KCNQ1: variants seen among roughly 807,000 people sequenced by gnomAD.
KCNQ1 encodes the protein potassium voltage-gated channel subfamily KQT member 1.
A neutral mutation model predicts 72.4 loss-of-function variants in KCNQ1; 49 were observed. That is an observed-to-expected ratio of 0.68 (90% confidence interval 0.54 to 0.86). KCNQ1 has a LOEUF of 0.86. Ranked by LOEUF, KCNQ1 falls within the 40% of genes least tolerant of loss-of-function variation. KCNQ1 has a pLI of 0.00. For missense variants in KCNQ1, 790 were observed against 945.1 expected (o/e 0.84, Z 2.15); for synonymous variants, 450 against 412.6 (o/e 1.09, Z -1.10).
intron 2 of KCNQ1, among the ~76,000 whole-genome samples, chr11:2,553,265 A>T (rs1210667467): frequency 6.7e-6 from 1 of 148,984 alleles, no homozygotes; most frequent in Non-Finnish European, 1.5e-5. Context: ...TTCAGTCCAT[A>T]TACTATTTAT....
chr11:2,524,546 G>A (rs1163988363), intron 1 of KCNQ1, among the ~76,000 whole-genome samples: 2 of 152,178 alleles, frequency 1.3e-5, no homozygotes, highest in Non-Finnish European at 1.5e-5. Flanking sequence ...CGTGGGTAGC[G>A]GGCAGTGGCC....
At position 2,651,864 on chromosome 11, in the gene KCNQ1, A is replaced by AGT. The variant is rs1849761130; in HGVS notation, c.1394-10096_1394-10095dup. 7.5e-6 allele frequency: 3 copies of AGT among 398,532 alleles called. No individual in the cohort carries two copies. The highest frequency in any genetic ancestry group is 6.2e-5 in the African/African-American group (3 of 48,624). 24.7% of individuals were successfully genotyped at this position (398,532 alleles called of 1,614,324 possible). On this transcript the variant is annotated intron_variant, in intron 10 of 15. Coordinates refer to ENST00000155840, the MANE Select transcript of KCNQ1 (RefSeq NM_000218.3). This position sits in a 1 kb window ranked among gnomAD's most constrained non-coding sequence, Gnocchi z 6.1. ...CAGATGCCACCACATCTTTTCTTGAAGTAGTGTTCAGGCTGAGGGGGTCAT... is the reference window on the plus strand; with the variant it reads ...CAGATGCCACCACATCTTTTCTTGAAGTGTAGTGTTCAGGCTGAGGGGGTCAT...
At chr11:2,560,628 G>A (rs1217714151) in intron 2 of KCNQ1, among the ~76,000 whole-genome samples, 4 of 151,884 alleles carry the variant, frequency 2.6e-5, no homozygotes, top group Admixed American at 6.5e-5. Context: ...AGGTCTTTAC[G>A]GGCCCCTCAG....
At position 2,621,138 on chromosome 11, in the gene KCNQ1, T is replaced by C. The variant is rs890883361; in HGVS notation, c.1393+32284T>C. On this transcript the variant is annotated intron_variant, in intron 10 of 15. Coordinates refer to ENST00000155840, the MANE Select transcript of KCNQ1 (RefSeq NM_000218.3). This position sits in a 1 kb window ranked among gnomAD's most constrained non-coding sequence, Gnocchi z 5.7. Reference sequence around the variant, plus strand: ...GATTACAGGTGACCGCCACCATACCTGGCTAATTTTTGTGTTTTTAGTAGA... The same window carrying C: ...GATTACAGGTGACCGCCACCATACCCGGCTAATTTTTGTGTTTTTAGTAGA... 25 of 396,666 alleles carry C rather than the reference T, an allele frequency of 6.3e-5. No homozygotes were observed. The highest frequency in any genetic ancestry group is 1.0e-4 in the Non-Finnish European group (23 of 225,512). The allele number at this position is 396,666 out of a possible 1,614,324, so 24.6% of individuals were successfully genotyped here.
chr11:2,717,438 C>G (rs57264152), intron 11 of KCNQ1, among the ~76,000 whole-genome samples: 17,699 of 152,252 alleles, frequency 0.12, 1,907 homozygotes, highest in African/African-American at 0.29. Flanking sequence ...AGGGAGACTT[C>G]TGGGTAGCCC....
chr11:2,705,960 G>T (rs1449237291), intron 11 of KCNQ1, among the ~76,000 whole-genome samples: 1 of 152,180 alleles, frequency 6.6e-6, no homozygotes, highest in Non-Finnish European at 1.5e-5. Flanking sequence ...AGAGTCATTG[G>T]CAGTAAAGGT....
In KCNQ1 at chr11:2,734,402, G is replaced by A. The variant is rs1403854879; in HGVS notation, c.1515-34442G>A. Among the ~76,000 whole-genome samples, 2 of 152,250 alleles carry A rather than the reference G, an allele frequency of 1.3e-5. No homozygotes were observed. Among genetic ancestry groups the A allele is most frequent in the Non-Finnish European group, 2.9e-5 (2 of 68,044 alleles). The stretch of plus-strand genomic sequence containing the variant: ...GAATGAGGAAGCTTCACAGCCCCCC[G>A]GCCACCGCAGGTCGGGGGAGCACTG... On this transcript the variant is annotated intron_variant, in intron 11 of 15. Coordinates refer to ENST00000155840, the MANE Select transcript of KCNQ1 (RefSeq NM_000218.3). The surrounding 1 kb of genome is among the most constrained non-coding windows in gnomAD (Gnocchi z 7.0).
At chr11:2,455,129 A>G (rs923404178) in intron 1 of KCNQ1, among the ~76,000 whole-genome samples, 50 of 148,130 alleles carry the variant, frequency 3.4e-4, no homozygotes, top group Non-Finnish European at 1.2e-4. Context: ...ATGGAGTCTC[A>G]CTCTGTCACC....
At chr11:2,485,808 G>A (rs1266810733) in intron 1 of KCNQ1, among the ~76,000 whole-genome samples, 1 of 152,126 alleles carries the variant, frequency 6.6e-6, no homozygotes, top group Non-Finnish European at 1.5e-5. Context: ...TTTTGTGACT[G>A]GCTTATTTCA....
chr11:2,566,896 C>A lies in KCNQ1; in HGVS notation c.478-3732C>A, dbSNP rs146234552. ...AGTCAGGAAGTACCCCGGTTCTGTA[C>A]CTGTAGTGGATGGGGCTCTCAGAGG... is the stretch of plus-strand genomic sequence containing the variant. On this transcript the variant is annotated intron_variant, in intron 2 of 15. Transcript: ENST00000155840. This position sits in a 1 kb window ranked among gnomAD's most constrained non-coding sequence, Gnocchi z 6.7. Among the ~76,000 whole-genome samples the A allele has an allele frequency of 6.2e-3, 942 of 151,270 alleles. 8 individuals are homozygous for A. The highest frequency in any genetic ancestry group is 0.022 in the African/African-American group (886 of 41,134).
chr11:2,533,632 C>T (rs1056486930), intron 2 of KCNQ1, among the ~76,000 whole-genome samples: 2 of 152,198 alleles, frequency 1.3e-5, no homozygotes, highest in East Asian at 3.8e-4. Context: ...TGTGTGCACA[C>T]GTGTGTCTGA....
At chr11:2,802,159 A>G (rs1022696487) in intron 15 of KCNQ1, among the ~76,000 whole-genome samples, 6 of 152,226 alleles carry the variant, frequency 3.9e-5, no homozygotes, top group African/African-American at 1.4e-4. Context: ...GGGGTCAGGC[A>G]GGGGGAGGCC....
Position 2,662,102 on chromosome 11 carries a change from G to A in KCNQ1, c.1514+21G>A, listed in dbSNP as rs199755141. 549 of 1,613,984 alleles carry A rather than the reference G, an allele frequency of 3.4e-4. No individual in the cohort carries two copies. Among genetic ancestry groups the A allele is most frequent in the Non-Finnish European group, 3.4e-4 (401 of 1,180,018 alleles). Reference sequence around the variant, plus strand: ...TCACAGTGAGTGCCTACATGTGCGTGAAGGGCTGGGCTGGAGGGGACTGGA... The same window carrying A: ...TCACAGTGAGTGCCTACATGTGCGTAAAGGGCTGGGCTGGAGGGGACTGGA... On this transcript the variant is annotated intron_variant, in intron 11 of 15. Coordinates refer to ENST00000155840, the MANE Select transcript of KCNQ1 (RefSeq NM_000218.3).
At chr11:2,501,702 CCAGA>C (rs1847012068) in intron 1 of KCNQ1, among the ~76,000 whole-genome samples, 1 of 118,258 alleles carries the variant, frequency 8.5e-6, no homozygotes, top group South Asian at 2.9e-4. Context: ...GTTACCAAAA[CCAGA>C]CAAAGATACA....
rs1038916908 is a variant in KCNQ1, at chr11:2,750,939, C to T, written c.1515-17905C>T. Among the ~76,000 whole-genome samples the T allele has an allele frequency of 3.3e-5, 5 of 152,176 alleles. No homozygotes were observed. The highest frequency in any genetic ancestry group is 4.8e-5 in the African/African-American group (2 of 41,432). On this transcript the variant is annotated intron_variant, in intron 11 of 15. Transcript: ENST00000155840. This position sits in a 1 kb window ranked among gnomAD's most constrained non-coding sequence, Gnocchi z 6.3. ...CAGCTGCCTGCCTACACCCCAACCT[C>T]GAGGCTCTTTACCTCTGTCTGTGCA...
At chr11:2,469,988 G>A (rs187248533) in intron 1 of KCNQ1, among the ~76,000 whole-genome samples, 7 of 151,970 alleles carry the variant, frequency 4.6e-5, no homozygotes, top group African/African-American at 1.7e-4. Flanking sequence ...TTAGAGCTGC[G>A]GTCTCACTCT....
rs562001307 is a variant in KCNQ1, at chr11:2,654,269, G to A, written c.1394-7692G>A. 6.5e-5 allele frequency: 26 copies of A among 398,828 alleles called. No individual in the cohort carries two copies. Among genetic ancestry groups the A allele is most frequent in the African/African-American group, 4.3e-4 (21 of 48,748 alleles). 24.7% of individuals were successfully genotyped at this position (398,828 alleles called of 1,614,324 possible). A position where few individuals can be genotyped will look rare whatever the true frequency, so the allele number is the denominator to read the frequency against. On this transcript the variant is annotated intron_variant, in intron 10 of 15. Transcript: ENST00000155840. The surrounding 1 kb of genome is among the most constrained non-coding windows in gnomAD (Gnocchi z 6.4). ...GCTTCTCCTTCACAGTGCAGGATCC[G>A]CAGGGCTTTGGTGAATCCACTGAGA... is the stretch of plus-strand genomic sequence containing the variant.
chr11:2,694,001 G>A (rs1850632107), intron 11 of KCNQ1: 3 of 398,572 alleles, frequency 7.5e-6, no homozygotes, highest in Non-Finnish European at 1.3e-5. Flanking sequence ...GGCCTCTCTA[G>A]GCCACCTCCA....
intron 10 of KCNQ1, chr11:2,618,161 T>C (rs1452394540): frequency 5.0e-6 from 2 of 398,376 alleles, no homozygotes; most frequent in African/African-American, 4.1e-5. Flanking sequence ...TGGTCTTATG[T>C]TTAGGTCTTT....
Sources: gnomAD v4.1 joint callset for allele counts (sites outside exome capture counted in the v4.1 genomes callset) on GRCh38, gnomAD v4.1.1 for gene constraint, Gnocchi (gnomAD v3.1) non-coding constraint, MANE v1.5 for transcripts, NCBI Gene and HGNC (gene_info 2026-07-23, HGNC 2026-07-21) for gene names.